The following SPATA7 variants were observed in gnomAD, a reference collection of about 807,000 sequenced individuals.
SPATA7 encodes spermatogenesis-associated protein 7.
A neutral mutation model predicts 51.8 loss-of-function variants in SPATA7; 43 were observed. The ratio of observed to expected loss-of-function variants is 0.83; its 90% CI spans 0.65 to 1.07. SPATA7 has a LOEUF of 1.07. SPATA7 is among the 50% of genes least tolerant of loss of function. SPATA7 has a pLI of 0.00. For synonymous variants in SPATA7, 230 were observed against 252.8 expected (o/e 0.91, Z 0.86); for missense variants, 683 against 701.3 (o/e 0.97, Z 0.30).
chr14:88,387,698 A>G (rs2075620097), intron 1 of SPATA7, among the ~76,000 whole-genome samples: 1 of 152,176 alleles, frequency 6.6e-6, no homozygotes, highest in Non-Finnish European at 1.5e-5. Context: ...CTTGTTTGTA[A>G]TCTTTGTTTC....
intron 4 of SPATA7, chr14:88,468,277 G>C: frequency 1.3e-6 from 2 of 1,587,792 alleles, no homozygotes; most frequent in Non-Finnish European, 1.7e-6. Context: ...TAGGTTGAGA[G>C]AAACGGTAAT....
Position 88,438,069 on chromosome 14 carries a change from G to A in SPATA7, c.1447G>A (p.Glu483Lys), listed in dbSNP as rs1322871614. The change falls in exon 12 of 12, where the codon GAG becomes AAG. Residue 483 changes from glutamate to lysine, a missense_variant. By Grantham distance (56) the Glu-to-Lys change is moderately conservative. Transcript: ENST00000393545. ...ATTGTCGGCACCAAAGGATGAGAAC[G>A]AGATATTCCCTTCACCAACTGAATT... ...MLLSAPKDENEIFPSPTEFFM... is the reference protein window; with the variant it reads ...MLLSAPKDENKIFPSPTEFFM... 1.1e-5 allele frequency: 18 copies of A among 1,614,084 alleles called. No homozygotes were observed. The highest frequency in any genetic ancestry group is 2.2e-5 in the South Asian group (2 of 91,076).
At chr14:88,438,547 G>A, downstream of SPATA7, 1 of 823,986 alleles carries the variant, frequency 1.2e-6, no homozygotes. Flanking sequence ...CAGAAACCTA[G>A]CGGCCTAATG....
chr14:88,437,108 A>T (rs1298026658), intron 10 of SPATA7, among the ~76,000 whole-genome samples: 22 of 145,892 alleles, frequency 1.5e-4, no homozygotes, highest in African/African-American at 5.3e-4. Context: ...CATTTTGTTC[A>T]TTGGTGTTTT....
chr14:88,401,910 C>G (rs1006995152), intron 4 of SPATA7, among the ~76,000 whole-genome samples: 1 of 150,468 alleles, frequency 6.6e-6, no homozygotes, highest in Non-Finnish European at 1.5e-5. Flanking sequence ...GTAGAATACC[C>G]TAATGCCCAA....
At chr14:88,441,096 A>T (rs568983590), downstream of SPATA7, among the ~76,000 whole-genome samples, 46 of 152,120 alleles carry the variant, frequency 3.0e-4, no homozygotes, top group African/African-American at 1.1e-3. Flanking sequence ...TCCATTCCTG[A>T]GTTACTTCAC....
At chr14:88,388,932 A>AT (rs1424034151) in intron 1 of SPATA7, among the ~76,000 whole-genome samples, 1 of 152,202 alleles carries the variant, frequency 6.6e-6, no homozygotes, top group African/African-American at 2.4e-5. Context: ...TTCACATTCC[A>AT]TGGGAAATAG....
At chr14:88,397,507 G>T (rs1306867150) in intron 4 of SPATA7, among the ~76,000 whole-genome samples, 1 of 151,994 alleles carries the variant, frequency 6.6e-6, no homozygotes, top group African/African-American at 2.4e-5. Context: ...GCTGGATGTG[G>T]TGGCATGCAA....
At chr14:88,454,593 A>G (rs2077272223) in intron 3 of SPATA7, among the ~76,000 whole-genome samples, 1 of 152,066 alleles carries the variant, frequency 6.6e-6, no homozygotes, top group South Asian at 2.1e-4. Context: ...GCTTGAGCTC[A>G]AGAGTTCAAG....
chr14:88,428,108 C>T (rs2076845928), intron 7 of SPATA7: 1 of 152,614 alleles, frequency 6.6e-6, no homozygotes, highest in African/African-American at 2.4e-5. Flanking sequence ...GGAAATTATA[C>T]ATTTTATAAG....
intron 3 of SPATA7, among the ~76,000 whole-genome samples, chr14:88,448,962 C>T (rs1400674899): frequency 2.0e-5 from 3 of 152,136 alleles, no homozygotes; most frequent in East Asian, 1.9e-4. Flanking sequence ...TCCTTTTCTT[C>T]GTTAATCTCA....
intron 4 of SPATA7, among the ~76,000 whole-genome samples, chr14:88,461,316 A>T (rs186609235): frequency 6.6e-6 from 1 of 152,222 alleles, no homozygotes; most frequent in Non-Finnish European, 1.5e-5. Flanking sequence ...GGTGGAGTCT[A>T]CAGAGGCAGG....
intron 3 of SPATA7, among the ~76,000 whole-genome samples, chr14:88,444,012 C>T (rs1301986834): frequency 2.6e-5 from 4 of 151,800 alleles, no homozygotes; most frequent in Non-Finnish European, 4.4e-5. Flanking sequence ...AATGGGATGG[C>T]TGGGTCAAAT....
At position 88,431,169 on chromosome 14, in the gene SPATA7, T is replaced by C. The variant is rs1413487969; in HGVS notation, c.1029-3T>C. On this transcript the variant is annotated splice_region_variant and splice_polypyrimidine_tract_variant and intron_variant, in intron 8 of 11. Coordinates refer to ENST00000393545, the MANE Select transcript of SPATA7 (RefSeq NM_018418.5). Reference sequence around the variant, plus strand: ...CTCAACTACTTTAACTTCCTCTTTCTAGGGCAATGTGTCAGTATTCCCTGA... The same window carrying C: ...CTCAACTACTTTAACTTCCTCTTTCCAGGGCAATGTGTCAGTATTCCCTGA... The C allele has an allele frequency of 6.2e-7, 1 of 1,613,576 alleles. No homozygotes were observed. The highest frequency in any genetic ancestry group is 8.5e-7 in the Non-Finnish European group (1 of 1,179,618).
At chr14:88,446,131 G>A (rs1367080232) in intron 3 of SPATA7, among the ~76,000 whole-genome samples, 1 of 151,904 alleles carries the variant, frequency 6.6e-6, no homozygotes, top group African/African-American at 2.4e-5. Flanking sequence ...TCTTTGGTTG[G>A]TAAGCTATTG....
rs764646731 is a variant in SPATA7, at chr14:88,426,694, A to G, written c.835A>G (p.Thr279Ala). Residue 279 changes from threonine to alanine, a missense_variant, in exon 6 of 12, where the codon ACT (threonine) becomes GCT (alanine). By Grantham distance (58) the Thr-to-Ala change is moderately conservative. Coordinates refer to ENST00000393545, the MANE Select transcript of SPATA7 (RefSeq NM_018418.5). ...TDQRIEAETQ[T>A]ELSFKSELGT... is the part of the protein sequence containing the mutation. ...TCAACGGATAGAAGCTGAAACCCAG[A>G]CTGAATTAAGGTATGACACATCAGC... 1.9e-6 allele frequency: 3 copies of G among 1,612,234 alleles called. No homozygotes were observed. Among genetic ancestry groups the G allele is most frequent in the Non-Finnish European group, 2.5e-6 (3 of 1,179,688 alleles).
intron 10 of SPATA7, among the ~76,000 whole-genome samples, chr14:88,435,626 C>T (rs1388554900): frequency 1.3e-5 from 2 of 152,088 alleles, no homozygotes; most frequent in East Asian, 1.9e-4. Flanking sequence ...TCTCTATGCC[C>T]ATGAGTTCAA....
In SPATA7 at chr14:88,396,185, G is replaced by C. The variant is rs3179969; in HGVS notation, c.220G>C (p.Val74Leu). 6.2e-7 allele frequency: 1 copy of C among 1,608,576 alleles called. No individual in the cohort carries two copies. The highest frequency in any genetic ancestry group is 8.5e-7 in the Non-Finnish European group (1 of 1,176,764). The part of the protein sequence containing the change: ...AAVDCSVPVS[V>L]STSIKYADQQ... ...AGTAGACTGCTCGGTTCCAGTAAGC[G>C]TGAGTACCAGCATAAAGTGTAAGTA... Residue 74 changes from valine to leucine, a missense_variant, in exon 4 of 12, where the codon GTG becomes CTG. Coordinates refer to ENST00000393545, the MANE Select transcript of SPATA7 (RefSeq NM_018418.5).
chr14:88,457,982 A>G (rs1311946798), downstream of SPATA7, among the ~76,000 whole-genome samples: 1 of 152,142 alleles, frequency 6.6e-6, no homozygotes, highest in Non-Finnish European at 1.5e-5. Flanking sequence ...CTATTGAGAT[A>G]ATCATGTGGT....
Sources: allele counts gnomAD v4.1 joint callset (sites outside exome capture counted in the v4.1 genomes callset), GRCh38; gene constraint gnomAD v4.1.1; transcripts MANE v1.5; gene names NCBI Gene and HGNC (gene_info 2026-07-23, HGNC 2026-07-21).